The following NKAIN3 variants were observed in gnomAD, a reference collection of about 807,000 sequenced individuals.
NKAIN3 encodes the protein sodium/potassium transporting ATPase interacting 3.
NKAIN3 carries 25 observed loss-of-function variants against 30.2 expected under a neutral mutation model. That is an observed-to-expected ratio of 0.83 (90% CI 0.60 to 1.16). NKAIN3 has a LOEUF of 1.16. NKAIN3 is among the 50% of genes most tolerant of loss of function. The probability of loss-of-function intolerance (pLI) is 0.00; values close to 1 mark genes in which losing one functional copy is unlikely to be tolerated. For missense variants in NKAIN3, 225 were observed against 254.1 expected, an observed-to-expected ratio of 0.89 and a Z score of 0.78; for synonymous variants, 91 against 89.6, an observed-to-expected ratio of 1.02 and a Z score of -0.09.
Position 62,589,740 on chromosome 8 carries a change from C to T in NKAIN3, c.219C>T (p.Val73=). 2 of 1,602,798 alleles carry T rather than the reference C, an allele frequency of 1.2e-6. No individual in the cohort carries two copies. The highest frequency in any genetic ancestry group is 1.7e-6 in the Non-Finnish European group (2 of 1,172,058). ...ATACAGTGTGGACTGCCCTCTGGGT[C>T]ACCTGGAATGTGTTCATTATCTGCT... ...MVYTVWTALW[V]TWNVFIICFY... The change falls in exon 3 of 7, where the codon GTC becomes GTT. Residue 73 remains valine (V), a synonymous_variant. Coordinates refer to ENST00000623646, the MANE Select transcript of NKAIN3 (RefSeq NM_001304533.3).
chr8:62,432,735 T>A (rs973115252), intron 1 of NKAIN3, among the ~76,000 whole-genome samples: 5 of 152,136 alleles, frequency 3.3e-5, no homozygotes, highest in African/African-American at 1.2e-4. Context: ...AACATTTACC[T>A]ATTTCTCAAC....
intron 4 of NKAIN3, among the ~76,000 whole-genome samples, chr8:62,848,481 G>T (rs764398130): frequency 6.6e-6 from 1 of 152,000 alleles, no homozygotes; most frequent in Non-Finnish European, 1.5e-5. Flanking sequence ...GACTGTTGTT[G>T]GTGTATAGGA....
At chr8:62,610,285 C>T (rs1483630601) in intron 3 of NKAIN3, among the ~76,000 whole-genome samples, 2 of 150,264 alleles carry the variant, frequency 1.3e-5, no homozygotes, top group Admixed American at 6.7e-5. Flanking sequence ...GCAGAAGTTG[C>T]AGTGAGCCAA....
intron 4 of NKAIN3, among the ~76,000 whole-genome samples, chr8:62,884,025 A>G (rs1821070286): frequency 2.0e-5 from 3 of 152,182 alleles, no homozygotes; most frequent in Non-Finnish European, 4.4e-5. Context: ...ATATTAGAAA[A>G]GTAAATTAGC....
chr8:62,347,994 T>C (rs1816057139), intron 1 of NKAIN3, among the ~76,000 whole-genome samples: 1 of 151,604 alleles, frequency 6.6e-6, no homozygotes, highest in African/African-American at 2.4e-5. Context: ...CTTGAAGATA[T>C]TATTTTAGAC....
At chr8:62,898,294 C>A (rs1183750772) in intron 4 of NKAIN3, among the ~76,000 whole-genome samples, 2 of 152,028 alleles carry the variant, frequency 1.3e-5, no homozygotes, top group African/African-American at 4.8e-5. Flanking sequence ...TTCACAATTG[C>A]AAAGATATGA....
intron 1 of NKAIN3, among the ~76,000 whole-genome samples, chr8:62,440,439 CT>C (rs779929187): frequency 2.0e-5 from 3 of 152,110 alleles, no homozygotes; most frequent in Non-Finnish European, 4.4e-5. Context: ...ACGTATGTCA[CT>C]TTTCCTCAGT....
intron 1 of NKAIN3, among the ~76,000 whole-genome samples, chr8:62,424,293 G>C (rs921495): frequency 0.67 from 101,029 of 151,772 alleles, 34,548 homozygotes; most frequent in Non-Finnish European, 0.73. Flanking sequence ...TCACAGGCAA[G>C]AAAAGCAAAT....
intron 4 of NKAIN3, among the ~76,000 whole-genome samples, chr8:62,794,613 C>A (rs554401607): frequency 2.6e-5 from 4 of 152,148 alleles, no homozygotes; most frequent in Non-Finnish European, 4.4e-5. Context: ...TCTGTTTGAG[C>A]TCAGCCCTTC....
At chr8:62,330,592 C>T (rs150776736) in intron 1 of NKAIN3, among the ~76,000 whole-genome samples, 344 of 152,158 alleles carry the variant, frequency 2.3e-3, no homozygotes, top group African/African-American at 8.0e-3. Context: ...ATTGACACCA[C>T]AGATCACTCA....
chr8:62,863,915 T>G, intron 4 of NKAIN3: 1 of 1,243,730 alleles, frequency 8.0e-7, no homozygotes, highest in South Asian at 1.2e-5. Flanking sequence ...ATCTCCTCCT[T>G]TGGCTCTGGT....
At position 62,972,423 on chromosome 8, in the gene NKAIN3, G is replaced by C. The variant is rs1445692786; in HGVS notation, c.*7016G>C. Among the ~76,000 whole-genome samples, 1 of 152,098 alleles carries C rather than the reference G, an allele frequency of 6.6e-6. No homozygotes were observed. Among genetic ancestry groups the C allele is most frequent in the Non-Finnish European group, 1.5e-5 (1 of 68,016 alleles). On this transcript the variant is annotated 3_prime_UTR_variant, in exon 7 of 7. Transcript: ENST00000623646. Reference sequence around the variant, plus strand: ...TTTTTATTTTTAACCACCAGATTGAGTATGTTGATACATCAAATGCCAGTC... The same window carrying C: ...TTTTTATTTTTAACCACCAGATTGACTATGTTGATACATCAAATGCCAGTC...
intron 6 of NKAIN3, among the ~76,000 whole-genome samples, chr8:62,954,811 G>C (rs919258842): frequency 1.6e-4 from 25 of 152,094 alleles, no homozygotes; most frequent in African/African-American, 5.3e-4. Context: ...TAAGAAAACT[G>C]AGGTTCATAG....
At chr8:62,398,917 G>A (rs1025449702) in intron 1 of NKAIN3, among the ~76,000 whole-genome samples, 3 of 152,126 alleles carry the variant, frequency 2.0e-5, no homozygotes, top group East Asian at 1.9e-4. Context: ...TGGTGAAACC[G>A]TGTCTCTACT....
intron 1 of NKAIN3, among the ~76,000 whole-genome samples, chr8:62,385,865 A>ATG (rs1817411171): frequency 6.6e-6 from 1 of 152,180 alleles, no homozygotes; most frequent in Non-Finnish European, 1.5e-5. Flanking sequence ...GTGCATCAGT[A>ATG]TGTGTGAAAT....
At chr8:62,310,851 G>C (rs1032255015) in intron 1 of NKAIN3, among the ~76,000 whole-genome samples, 14 of 150,330 alleles carry the variant, frequency 9.3e-5, no homozygotes, top group Admixed American at 8.5e-4. Flanking sequence ...GAGAGTACAT[G>C]TGGGTGGACA....
chr8:62,864,257 G>A, intron 4 of NKAIN3: 1 of 963,976 alleles, frequency 1.0e-6, no homozygotes, highest in Non-Finnish European at 1.6e-6. Context: ...AGGCGGCCGA[G>A]GCAGACGGCA....
intron 3 of NKAIN3, among the ~76,000 whole-genome samples, chr8:62,731,888 T>C (rs1815479647): frequency 6.6e-6 from 1 of 152,132 alleles, no homozygotes; most frequent in South Asian, 2.1e-4. Context: ...TGTCAGATTC[T>C]GCTTCTAGGA....
chr8:62,797,587 T>C (rs935679723), intron 4 of NKAIN3, among the ~76,000 whole-genome samples: 4 of 152,156 alleles, frequency 2.6e-5, no homozygotes, highest in African/African-American at 4.8e-5. Flanking sequence ...GAGAGTCTCA[T>C]ATATGGTAGA....
Sources: gnomAD v4.1 joint callset for allele counts (sites outside exome capture counted in the v4.1 genomes callset) on GRCh38, gnomAD v4.1.1 for gene constraint, MANE v1.5 for transcripts, NCBI Gene and HGNC (gene_info 2026-07-23, HGNC 2026-07-21) for gene names.